KAZN: variants seen among roughly 807,000 people sequenced by gnomAD.
KAZN encodes the protein kazrin.
In KAZN, 40 loss-of-function variants were observed where a neutral mutation model predicts 87.4. The ratio of observed to expected loss-of-function variants is 0.46; its 90% confidence interval spans 0.36 to 0.60. KAZN has a LOEUF of 0.60. Among genes scored for constraint, KAZN ranks in the 20% least tolerant of loss-of-function variants. KAZN has a pLI of 0.00. For missense variants in KAZN, 898 were observed against 1,073.9 expected, an observed-to-expected ratio of 0.84 and a Z score of 2.29; for synonymous variants, 466 against 458.3, an observed-to-expected ratio of 1.02 and a Z score of -0.22.
chr1:14,251,643 CTTTTTTTTTTTT>C (rs549092023), intron 2 of KAZN, among the ~76,000 whole-genome samples: 35 of 90,368 alleles, frequency 3.9e-4, no homozygotes, highest in African/African-American at 1.4e-3. Context: ...TTCTCCCGGA[CTTTTTTTTTTTT>C]TTTTTTTTTT....
intron 3 of KAZN, among the ~76,000 whole-genome samples, chr1:15,041,278 T>G (rs1234651804): frequency 6.6e-6 from 1 of 150,440 alleles, no homozygotes; most frequent in African/African-American, 2.4e-5. Flanking sequence ...CAGACCTTCA[T>G]GCCCCTGCAG....
chr1:15,071,334 C>A (rs1639497628), intron 8 of KAZN, among the ~76,000 whole-genome samples: 1 of 152,124 alleles, frequency 6.6e-6, no homozygotes, highest in South Asian at 2.1e-4. Flanking sequence ...TCACTGCAAC[C>A]TTTGCCTCCT....
At chr1:14,036,640 A>T (rs1641571870) in intron 1 of KAZN, among the ~76,000 whole-genome samples, 1 of 152,024 alleles carries the variant, frequency 6.6e-6, no homozygotes, top group Non-Finnish European at 1.5e-5. Flanking sequence ...TCCAGCCTGG[A>T]TGACAGAGTG....
chr1:13,992,026 C>T (rs187457325), intron 1 of KAZN, among the ~76,000 whole-genome samples: 315 of 152,332 alleles, frequency 2.1e-3, no homozygotes, highest in African/African-American at 7.2e-3. Context: ...AGATAACTTG[C>T]AGTTCCCCCA....
chr1:14,107,243 C>T (rs1434224985), intron 1 of KAZN, among the ~76,000 whole-genome samples: 1 of 151,626 alleles, frequency 6.6e-6, no homozygotes, highest in African/African-American at 2.4e-5. Context: ...GGCAGTGATC[C>T]ACCCCTGTCA....
chr1:14,979,536 C>T lies in KAZN; in HGVS notation c.418+18661C>T, dbSNP rs142962257. Among the ~76,000 whole-genome samples, 799 of 152,246 alleles carry T rather than the reference C, an allele frequency of 5.2e-3. 10 individuals are homozygous for T. Among genetic ancestry groups the T allele is most frequent in the African/African-American group, 0.018 (748 of 41,554 alleles). On this transcript the variant is annotated intron_variant, in intron 2 of 14. Coordinates refer to ENST00000376030, the MANE Select transcript of KAZN (RefSeq NM_201628.3). ...AGCTATGGGTCCCCCTCCCCGCCAA[C>T]GCACCTGGTCTTTTTCTGGAATTCA...
chr1:14,771,150 C>CA (rs1285008204), intron 1 of KAZN, among the ~76,000 whole-genome samples: 3 of 152,116 alleles, frequency 2.0e-5, no homozygotes, highest in African/African-American at 7.2e-5. Context: ...AATATGCTAT[C>CA]ACAGAGAAGG....
chr1:14,170,313 A>G (rs1448552566), intron 1 of KAZN, among the ~76,000 whole-genome samples: 1 of 152,064 alleles, frequency 6.6e-6, no homozygotes, highest in Non-Finnish European at 1.5e-5. Flanking sequence ...GGTTTGTTTC[A>G]TTACCTACTT....
intron 2 of KAZN, among the ~76,000 whole-genome samples, chr1:14,545,519 C>T (rs1305601262): frequency 4.6e-5 from 7 of 152,110 alleles, no homozygotes; most frequent in African/African-American, 1.7e-4. Flanking sequence ...GTCCTTTCTA[C>T]AAGATTGTCA....
At chr1:14,116,628 C>A (rs1238794641) in intron 1 of KAZN, among the ~76,000 whole-genome samples, 3 of 152,162 alleles carry the variant, frequency 2.0e-5, no homozygotes, top group African/African-American at 7.2e-5. Flanking sequence ...GTCAGAGCCC[C>A]CCACATGGAG....
At chr1:14,308,047 A>T (rs1655045679) in intron 2 of KAZN, among the ~76,000 whole-genome samples, 1 of 152,216 alleles carries the variant, frequency 6.6e-6, no homozygotes, top group African/African-American at 2.4e-5. Flanking sequence ...CATGTCACAG[A>T]AAACTGGCCT....
At chr1:14,848,556 C>T (rs1421388133) in intron 1 of KAZN, among the ~76,000 whole-genome samples, 2 of 152,224 alleles carry the variant, frequency 1.3e-5, no homozygotes, top group Admixed American at 6.5e-5. Context: ...CCTCTGTAAG[C>T]ACGAGCGTGT....
intron 1 of KAZN, among the ~76,000 whole-genome samples, chr1:13,993,260 G>T (rs956510626): frequency 3.3e-5 from 5 of 152,154 alleles, no homozygotes; most frequent in Non-Finnish European, 7.3e-5. Flanking sequence ...ACTGACCTGG[G>T]TTACACATGT....
chr1:14,935,761 T>C (rs1289156615), intron 1 of KAZN, among the ~76,000 whole-genome samples: 1 of 152,168 alleles, frequency 6.6e-6, no homozygotes, highest in African/African-American at 2.4e-5. Context: ...CTTCTATGCC[T>C]AGGGGCTACT....
chr1:14,432,018 A>G (rs111907833), intron 2 of KAZN, among the ~76,000 whole-genome samples: 1 of 152,194 alleles, frequency 6.6e-6, no homozygotes, highest in Admixed American at 6.5e-5. Flanking sequence ...TGACTAATAT[A>G]GGAACCAAAC....
chr1:14,401,566 A>T, intron 2 of KAZN, among the ~76,000 whole-genome samples: 1 of 152,298 alleles, frequency 6.6e-6, no homozygotes. Context: ...CTGTAATCTC[A>T]GCACTTTGGG....
At chr1:14,499,036 G>A (rs1395056680) in intron 2 of KAZN, among the ~76,000 whole-genome samples, 1 of 152,004 alleles carries the variant, frequency 6.6e-6, no homozygotes, top group East Asian at 1.9e-4. Flanking sequence ...CCTTATTGAC[G>A]GTACCATTGC....
At chr1:14,557,661 TGTGTG>T (rs771376774) in intron 2 of KAZN, among the ~76,000 whole-genome samples, 118 of 126,604 alleles carry the variant, frequency 9.3e-4, no homozygotes, top group African/African-American at 3.2e-3. Flanking sequence ...TGTGTGTGTG[TGTGTG>T]GTGTGTGAGA....
intron 2 of KAZN, among the ~76,000 whole-genome samples, chr1:14,504,069 C>T (rs960092672): frequency 3.3e-5 from 5 of 152,152 alleles, no homozygotes; most frequent in Non-Finnish European, 4.4e-5. Context: ...GTGCCCTAGT[C>T]GCTTTGATTG....
Sources: gnomAD v4.1 joint callset for allele counts (sites outside exome capture counted in the v4.1 genomes callset) on GRCh38, gnomAD v4.1.1 for gene constraint, MANE v1.5 for transcripts, NCBI Gene and HGNC (gene_info 2026-07-23, HGNC 2026-07-21) for gene names.